KCNH8: variants seen among roughly 807,000 people sequenced by gnomAD.
KCNH8 encodes the protein voltage-gated delayed rectifier potassium channel KCNH8.
KCNH8 carries 70 observed loss-of-function variants against 103.6 expected under a neutral mutation model. The ratio of observed to expected loss-of-function variants is 0.68; its 90% confidence interval spans 0.56 to 0.82. The LOEUF is 0.82. Among genes scored for constraint, KCNH8 ranks in the 40% least tolerant of loss-of-function variants. The pLI is 0.00. For missense variants in KCNH8, 1,217 were observed against 1,329.9 expected, an observed-to-expected ratio of 0.92 and a Z score of 1.32; for synonymous variants, 498 against 489.4, an observed-to-expected ratio of 1.02 and a Z score of -0.23.
At chr3:19,163,969 A>C (rs1170626783) in intron 1 of KCNH8, among the ~76,000 whole-genome samples, 1 of 152,226 alleles carries the variant, frequency 6.6e-6, no homozygotes, top group African/African-American at 2.4e-5. Context: ...GTTATCAGTA[A>C]GACTTCCAGT....
chr3:19,278,957 A>T lies in KCNH8; in HGVS notation c.311-2241A>T, dbSNP rs1246565397. 7.9e-5 allele frequency among the ~76,000 whole-genome samples: 12 copies of T among 152,292 alleles called. No individual in the cohort carries two copies. In the East Asian group the frequency reaches 2.3e-3, roughly 29 times the overall value. ...TATGCAAAGGCTCTTTGGAGACAGT[A>T]ATGATACTTGTCTGAGTACACAGAT... On this transcript the variant is annotated intron_variant, in intron 2 of 15. Transcript: ENST00000328405.
chr3:19,311,619 G>A (rs761958457), intron 3 of KCNH8, among the ~76,000 whole-genome samples: 3 of 151,624 alleles, frequency 2.0e-5, no homozygotes, highest in African/African-American at 4.8e-5. Flanking sequence ...ATTTCCTCAC[G>A]CTCAGTCTGT....
At chr3:19,259,795 AC>A (rs2064404748) in intron 2 of KCNH8, among the ~76,000 whole-genome samples, 1 of 151,250 alleles carries the variant, frequency 6.6e-6, no homozygotes, top group Non-Finnish European at 1.5e-5. Flanking sequence ...TTACATACAC[AC>A]ACACACACAC....
intron 3 of KCNH8, among the ~76,000 whole-genome samples, chr3:19,294,031 A>G (rs1244170085): frequency 1.3e-5 from 2 of 152,136 alleles, no homozygotes; most frequent in Non-Finnish European, 2.9e-5. Flanking sequence ...GTTCTGCTTG[A>G]TTTAATTCAA....
chr3:19,290,102 C>T (rs2064896567), intron 3 of KCNH8, among the ~76,000 whole-genome samples: 1 of 152,064 alleles, frequency 6.6e-6, no homozygotes, highest in Non-Finnish European at 1.5e-5. Context: ...ATTTTGTATC[C>T]TGAGACTTTG....
chr3:19,156,406 G>A (rs1465899157), intron 1 of KCNH8, among the ~76,000 whole-genome samples: 1 of 152,090 alleles, frequency 6.6e-6, no homozygotes, highest in Non-Finnish European at 1.5e-5. Flanking sequence ...TTGTGGTATC[G>A]TTTCTAGTTT....
At position 19,513,180 on chromosome 3, in the gene KCNH8, C is replaced by G; in HGVS notation, c.2290C>G (p.His764Asp). ...ACTGGCCTCGGGAACGGTGCCCTTT[C>G]ACTCGCCTATCAGAGTCTCCAGGTC... ...KQLASGTVPFHSPIRVSRSNS... is the reference protein window; with the variant it reads ...KQLASGTVPFDSPIRVSRSNS... Residue 764 changes from histidine to aspartate, a missense_variant, in exon 13 of 16, where the codon CAC (histidine) becomes GAC (aspartate). By Grantham distance (81) the His-to-Asp change is moderately conservative (BLOSUM62 -1). Coordinates refer to ENST00000328405, the MANE Select transcript of KCNH8 (RefSeq NM_144633.3). 3 of 1,613,954 alleles carry G rather than the reference C, an allele frequency of 1.9e-6. No individual in the cohort carries two copies. Among genetic ancestry groups the G allele is most frequent in the Non-Finnish European group, 2.5e-6 (3 of 1,179,944 alleles).
At chr3:19,221,409 A>G (rs1225448778) in intron 1 of KCNH8, among the ~76,000 whole-genome samples, 1 of 152,202 alleles carries the variant, frequency 6.6e-6, no homozygotes, top group Non-Finnish European at 1.5e-5. Context: ...GTGGAAAAGT[A>G]TTATAAGAGA....
chr3:19,342,417 A>G (rs1575541217), intron 3 of KCNH8, among the ~76,000 whole-genome samples, 170 bp from the exon 4 acceptor site: 1 of 152,274 alleles, frequency 6.6e-6, no homozygotes, highest in African/African-American at 2.4e-5. Context: ...TGATAAAAAT[A>G]TATAAATCAT....
intron 3 of KCNH8, among the ~76,000 whole-genome samples, chr3:19,306,755 A>G (rs1274931858): frequency 1.3e-5 from 2 of 152,098 alleles, no homozygotes; most frequent in East Asian, 3.9e-4. Flanking sequence ...GCAAAATGTG[A>G]ATATGTGGCT....
chr3:19,271,251 A>G (rs2064583675), intron 2 of KCNH8, among the ~76,000 whole-genome samples: 1 of 152,176 alleles, frequency 6.6e-6, no homozygotes, highest in South Asian at 2.1e-4. Flanking sequence ...ACTTCAGTTT[A>G]CTGAACCACT....
intron 7 of KCNH8, among the ~76,000 whole-genome samples, chr3:19,422,286 A>T (rs2066962740): frequency 6.6e-6 from 1 of 152,166 alleles, no homozygotes; most frequent in South Asian, 2.1e-4. Context: ...AGATAAATAC[A>T]TATTTTATAA....
At chr3:19,436,972 G>C (rs2067208602) in intron 7 of KCNH8, among the ~76,000 whole-genome samples, 1 of 152,194 alleles carries the variant, frequency 6.6e-6, no homozygotes, top group African/African-American at 2.4e-5. Context: ...ATAAGGCACA[G>C]TACTTGCCCT....
intron 2 of KCNH8, among the ~76,000 whole-genome samples, chr3:19,270,603 CTTTA>C (rs1409031196): frequency 2.6e-5 from 4 of 152,046 alleles, no homozygotes; most frequent in Admixed American, 6.6e-5. Context: ...GAGGTGCCCA[CTTTA>C]TTTTAGGAGA....
chr3:19,372,373 A>C (rs890534258), intron 5 of KCNH8, among the ~76,000 whole-genome samples: 70 of 146,656 alleles, frequency 4.8e-4, no homozygotes, highest in Middle Eastern at 7.1e-3. Flanking sequence ...TCTTTGAAGC[A>C]ATTGTGAATG....
chr3:19,291,883 T>C (rs978011074), intron 3 of KCNH8, among the ~76,000 whole-genome samples: 2 of 152,222 alleles, frequency 1.3e-5, no homozygotes, highest in Non-Finnish European at 2.9e-5. Flanking sequence ...GCTTCATTCT[T>C]TGCATTTCCT....
chr3:19,438,238 C>T lies in KCNH8; in HGVS notation c.1252C>T (p.Arg418Ter), dbSNP rs533219014. Residue 418 changes from arginine to a stop codon, truncating the protein, a stop_gained, in exon 8 of 16, where the codon CGA (arginine) becomes TGA (stop). Coordinates refer to ENST00000328405, the MANE Select transcript of KCNH8 (RefSeq NM_144633.3). LOFTEE classifies it high-confidence loss of function. Reference sequence around the variant, plus strand: ...CAATACCTTGGGGGGCCCGTCGATCCGAAGTGCCTATATTGCCGCTCTGTA... The same window carrying T: ...CAATACCTTGGGGGGCCCGTCGATCTGAAGTGCCTATATTGCCGCTCTGTA... ...GNNTLGGPSI[R>*]SAYIAALYFT... 3 of 1,614,020 alleles carry T rather than the reference C, an allele frequency of 1.9e-6. No homozygotes were observed. The highest frequency in any genetic ancestry group is 2.2e-5 in the South Asian group (2 of 91,078).
intron 14 of KCNH8, among the ~76,000 whole-genome samples, chr3:19,517,639 C>A (rs1018823395): frequency 6.6e-6 from 1 of 151,952 alleles, no homozygotes; most frequent in Admixed American, 6.6e-5. Context: ...AAAATAATAT[C>A]CCTTTTCTAT....
At chr3:19,322,435 T>A (rs2065362504) in intron 3 of KCNH8, among the ~76,000 whole-genome samples, 1 of 152,230 alleles carries the variant, frequency 6.6e-6, no homozygotes, top group South Asian at 2.1e-4. Context: ...AGACTTTATC[T>A]TTCCTTCATT....
Sources: gnomAD v4.1 joint callset for allele counts (sites outside exome capture counted in the v4.1 genomes callset) on GRCh38, gnomAD v4.1.1 for gene constraint, MANE v1.5 for transcripts, NCBI Gene and HGNC (gene_info 2026-07-23, HGNC 2026-07-21) for gene names.